Variants in PHKB observed in about 807,000 individuals in gnomAD.
PHKB encodes phosphorylase kinase regulatory subunit beta, also known as phosphorylase b kinase regulatory subunit beta.
Under a neutral mutation model 152.1 loss-of-function variants are expected in PHKB, and 122 were observed. That is an observed-to-expected ratio of 0.80 (90% CI 0.69 to 0.93). PHKB has a LOEUF of 0.93. Ranked by LOEUF, PHKB falls within the 40% of genes least tolerant of loss-of-function variation. PHKB has a pLI of 0.00. For missense variants in PHKB, 1,304 were observed against 1,328.4 expected (o/e 0.98, Z 0.29); for synonymous variants, 436 against 464.9 (o/e 0.94, Z 0.80).
intron 7 of PHKB, among the ~76,000 whole-genome samples, chr16:47,563,994 C>CTTTTTTT (rs899061752): frequency 3.7e-5 from 3 of 82,050 alleles, no homozygotes; most frequent in Admixed American, 1.2e-4. Flanking sequence ...TTATTTCATT[C>CTTTTTTT]TTTTTTTTTT....
At chr16:47,584,334 T>A (rs1263669189) in intron 8 of PHKB, among the ~76,000 whole-genome samples, 2 of 152,176 alleles carry the variant, frequency 1.3e-5, no homozygotes, top group East Asian at 3.8e-4. Flanking sequence ...TAAACAGTAA[T>A]ATTTTAGTCT....
At chr16:47,528,292 C>T (rs1032898423) in intron 6 of PHKB, among the ~76,000 whole-genome samples, 2 of 152,082 alleles carry the variant, frequency 1.3e-5, no homozygotes, top group Non-Finnish European at 2.9e-5. Context: ...AATTTCACCT[C>T]CCTAGGAATG....
Position 47,641,615 on chromosome 16 carries a change from A to G in PHKB, c.1531A>G (p.Asn511Asp). The G allele has an allele frequency of 1.9e-6, 3 of 1,587,848 alleles. No individual in the cohort carries two copies. Among genetic ancestry groups the G allele is most frequent in the Non-Finnish European group, 2.6e-6 (3 of 1,155,988 alleles). The change falls in exon 16 of 31, where the codon AAC (asparagine) becomes GAC (aspartate). Residue 511 changes from asparagine (N) to aspartate (D), a missense_variant. By Grantham distance (23) the Asn-to-Asp change is conservative (BLOSUM62 1). Transcript: ENST00000323584. Reference protein sequence around the residue: ...AESQRLQVFLNTYGIQTQTPQ... With the variant: ...AESQRLQVFLDTYGIQTQTPQ... ...GATCTTTAGACTTCAAGTTTTTCTG[A>G]ACACATATGGTATTCAAACTCAAAC...
chr16:47,672,781 A>G (rs1973658905), intron 26 of PHKB, among the ~76,000 whole-genome samples: 1 of 152,136 alleles, frequency 6.6e-6, no homozygotes, highest in Admixed American at 6.5e-5. Context: ...ATGGATATTT[A>G]TTCTAAAAAT....
At chr16:47,481,558 C>CTG (rs1235710254) in intron 1 of PHKB, among the ~76,000 whole-genome samples, 2 of 152,208 alleles carry the variant, frequency 1.3e-5, no homozygotes, top group African/African-American at 4.8e-5. Context: ...CAAGAGGATT[C>CTG]TGACATTAAC....
At chr16:47,626,488 C>T (rs991881806) in intron 14 of PHKB, among the ~76,000 whole-genome samples, 4 of 152,228 alleles carry the variant, frequency 2.6e-5, no homozygotes, top group African/African-American at 9.6e-5. Flanking sequence ...GGCTTTCACA[C>T]TGTAATAACT....
intron 13 of PHKB, among the ~76,000 whole-genome samples, chr16:47,607,714 T>C (rs1248739670): frequency 6.6e-6 from 1 of 152,232 alleles, no homozygotes; most frequent in Non-Finnish European, 1.5e-5. Context: ...AATTGCTGGG[T>C]CTATGCTAAG....
intron 20 of PHKB, 24 bp from the exon 21 acceptor site, chr16:47,660,482 T>A (rs372986146): frequency 5.6e-6 from 9 of 1,599,118 alleles, no homozygotes; most frequent in Non-Finnish European, 7.7e-6. Flanking sequence ...TAAGAGTTTC[T>A]AATCTTTTTC....
At chr16:47,656,349 A>G (rs1055853690) in intron 20 of PHKB, among the ~76,000 whole-genome samples, 1 of 152,210 alleles carries the variant, frequency 6.6e-6, no homozygotes, top group Admixed American at 6.5e-5. Flanking sequence ...TGTAAATGGA[A>G]GTTCACCATT....
intron 6 of PHKB, among the ~76,000 whole-genome samples, chr16:47,522,189 G>A (rs1970696372): frequency 1.3e-5 from 2 of 152,178 alleles, no homozygotes; most frequent in South Asian, 4.2e-4. Context: ...AAAGCTTGCT[G>A]GGTCTGGGAT....
chr16:47,697,998 T>A (rs1435131506), intron 29 of PHKB, among the ~76,000 whole-genome samples: 1 of 152,204 alleles, frequency 6.6e-6, no homozygotes. Flanking sequence ...CCAGGTCGTT[T>A]GATCCTGAAC....
chr16:47,579,336 A>G (rs955628792), intron 7 of PHKB, among the ~76,000 whole-genome samples: 1 of 152,196 alleles, frequency 6.6e-6, no homozygotes, highest in African/African-American at 2.4e-5. Context: ...TCAAACTTAA[A>G]GTGCATTCAA....
At chr16:47,672,415 T>C (rs1448938347) in intron 26 of PHKB, among the ~76,000 whole-genome samples, 2 of 152,148 alleles carry the variant, frequency 1.3e-5, no homozygotes, top group African/African-American at 4.8e-5. Context: ...GAAATGTGAT[T>C]CTCCATCTCT....
At chr16:47,528,304 A>G (rs1970801333) in intron 6 of PHKB, among the ~76,000 whole-genome samples, 1 of 152,228 alleles carries the variant, frequency 6.6e-6, no homozygotes, top group Non-Finnish European at 1.5e-5. Flanking sequence ...CTAGGAATGC[A>G]TAATCAGTAG....
chr16:47,481,774 G>A (rs1161808780), intron 1 of PHKB, among the ~76,000 whole-genome samples: 2 of 152,232 alleles, frequency 1.3e-5, no homozygotes, highest in African/African-American at 4.8e-5. Flanking sequence ...CCACTTTTCA[G>A]ATGAGAAGAC....
upstream of PHKB, chr16:47,461,319 G>A (rs749426128): frequency 2.4e-4 from 376 of 1,563,170 alleles, 2 homozygotes; most frequent in Non-Finnish European, 1.7e-5. Flanking sequence ...GGCGGCCCCG[G>A]GGGCGGTGGC....
chr16:47,498,695 G>A (rs1310840429), intron 2 of PHKB, among the ~76,000 whole-genome samples: 1 of 152,148 alleles, frequency 6.6e-6, no homozygotes, highest in Non-Finnish European at 1.5e-5. Context: ...GAACCCAAGA[G>A]TTCGAGACCA....
At chr16:47,620,197 C>CTAAAA (rs1972592815) in intron 14 of PHKB, among the ~76,000 whole-genome samples, 1 of 151,994 alleles carries the variant, frequency 6.6e-6, no homozygotes, top group East Asian at 1.9e-4. Context: ...ATAAATAAGC[C>CTAAAA]ATTCTAGTGT....
intron 14 of PHKB, among the ~76,000 whole-genome samples, chr16:47,629,336 A>G (rs1043179303): frequency 6.6e-6 from 1 of 152,070 alleles, no homozygotes; most frequent in Non-Finnish European, 1.5e-5. Context: ...AGAAAAAAAC[A>G]AACAACCCCA....
Sources: allele counts gnomAD v4.1 joint callset (sites outside exome capture counted in the v4.1 genomes callset), GRCh38; gene constraint gnomAD v4.1.1; transcripts MANE v1.5; gene names NCBI Gene and HGNC (gene_info 2026-07-23, HGNC 2026-07-21).